The following LDLRAD3 variants were observed in gnomAD, a reference collection of about 807,000 sequenced individuals.
LDLRAD3 encodes the protein low-density lipoprotein receptor class A domain-containing protein 3.
LDLRAD3 carries 20 observed loss-of-function variants against 29.4 expected under a neutral mutation model. That is an observed-to-expected ratio of 0.68 (90% CI 0.48 to 0.99). LDLRAD3 has a LOEUF of 0.99. LDLRAD3 is among the 50% of genes least tolerant of loss of function. LDLRAD3 has a pLI of 0.00. For synonymous variants in LDLRAD3, 157 were observed against 192.7 expected (o/e 0.81, Z 1.53); for missense variants, 420 against 454.3 (o/e 0.92, Z 0.69).
intron 1 of LDLRAD3, among the ~76,000 whole-genome samples, chr11:35,945,152 G>T (rs1474084370): frequency 6.6e-6 from 1 of 152,226 alleles, no homozygotes; most frequent in Non-Finnish European, 1.5e-5. Context: ...TGCCTGCCTG[G>T]TGTTTGTGCC....
In LDLRAD3 at chr11:36,126,543, C is replaced by G. The variant is rs570405265; in HGVS notation, c.454+28082C>G. 2.5e-4 allele frequency among the ~76,000 whole-genome samples: 38 copies of G among 152,218 alleles called. 1 individual carries two copies. In the South Asian group the frequency reaches 7.9e-3, roughly 32 times the overall value. ...GTGTGGTCAGGGTCGGGAGGCTGGT[C>G]CCCAGAAGAAGCCAGTTGTTGGCTG... On this transcript the variant is annotated intron_variant, in intron 4 of 5. Coordinates refer to ENST00000315571, the MANE Select transcript of LDLRAD3 (RefSeq NM_174902.4).
chr11:36,196,029 CAA>C (rs35180520), intron 4 of LDLRAD3, among the ~76,000 whole-genome samples: 15 of 138,512 alleles, frequency 1.1e-4, no homozygotes, highest in African/African-American at 1.3e-4. Context: ...CCCCAAAAGA[CAA>C]AAAAAAAAAA....
At chr11:36,045,115 T>G (rs1259626901) in intron 2 of LDLRAD3, among the ~76,000 whole-genome samples, 1 of 152,202 alleles carries the variant, frequency 6.6e-6, no homozygotes, top group African/African-American at 2.4e-5. Context: ...TTGTGGCCTA[T>G]CATGAGGACA....
intron 1 of LDLRAD3, among the ~76,000 whole-genome samples, chr11:35,956,644 T>G (rs1851204179): frequency 1.3e-5 from 2 of 152,248 alleles, no homozygotes; most frequent in Non-Finnish European, 2.9e-5. Context: ...CCATCACATC[T>G]TCGTCTGTTA....
chr11:36,071,589 CAT>C lies in LDLRAD3; in HGVS notation c.194-10061_194-10060del, dbSNP rs574559162. ...TTATTGACAAGAAAAGATGTCACAACATATTATGTAGCAAAAACAGGTTTCAG... is the reference window on the plus strand; with the variant it reads ...TTATTGACAAGAAAAGATGTCACAACATTATGTAGCAAAAACAGGTTTCAG... On this transcript the variant is annotated intron_variant, in intron 2 of 5. Coordinates refer to ENST00000315571, the MANE Select transcript of LDLRAD3 (RefSeq NM_174902.4). Among the ~76,000 whole-genome samples, 258 of 152,302 alleles carry C rather than the reference CAT, an allele frequency of 1.7e-3. 2 individuals are homozygous for C. Among genetic ancestry groups the C allele is most frequent in the African/African-American group, 5.9e-3 (245 of 41,572 alleles).
rs745754811 is a variant in LDLRAD3 at position 36,229,164 on chromosome 11, G to A, written c.805G>A (p.Ala269Thr). ...YSEALLDQRP[A>T]WYDLPPPPYS... Reference sequence around the variant, plus strand: ...CCCCTGCTGTCCCCATCACAGGCCTGCGTGGTATGACCTTCCTCCACCGCC... The same window carrying A: ...CCCCTGCTGTCCCCATCACAGGCCTACGTGGTATGACCTTCCTCCACCGCC... Residue 269 changes from alanine (A) to threonine (T), a missense_variant, in exon 6 of 6, where the codon GCG becomes ACG. Ala to Thr is a moderately conservative substitution (Grantham distance 58). Around this residue, in one of 3 missense-constraint regions of LDLRAD3, gnomAD observed 140 missense variants for 139.9 expected, o/e 1.00. Transcript: ENST00000315571. The A allele has an allele frequency of 1.2e-6, 2 of 1,613,392 alleles. No individual in the cohort carries two copies. The highest frequency in any genetic ancestry group is 1.7e-6 in the Non-Finnish European group (2 of 1,179,440).
intron 4 of LDLRAD3, chr11:36,196,129 CT>C (rs2133370192): frequency 6.6e-6 from 1 of 152,028 alleles, no homozygotes; most frequent in East Asian, 1.9e-4. Flanking sequence ...GGGTCTGTTT[CT>C]GAGCTCTGGC....
At chr11:35,959,382 G>A (rs536953945) in intron 1 of LDLRAD3, among the ~76,000 whole-genome samples, 2 of 152,088 alleles carry the variant, frequency 1.3e-5, no homozygotes, top group Non-Finnish European at 2.9e-5. Flanking sequence ...GTATTTGTTC[G>A]TGTAGAACTT....
intron 4 of LDLRAD3, among the ~76,000 whole-genome samples, chr11:36,170,860 G>A (rs1854589264): frequency 6.6e-6 from 1 of 151,642 alleles, no homozygotes; most frequent in African/African-American, 2.4e-5. Context: ...GGAGTGCAGG[G>A]GCGCGATCTT....
intron 2 of LDLRAD3, among the ~76,000 whole-genome samples, chr11:36,074,563 G>C (rs1852963294): frequency 6.6e-6 from 1 of 152,164 alleles, no homozygotes; most frequent in Non-Finnish European, 1.5e-5. Flanking sequence ...TGGCCTTCAT[G>C]AGAAAGCCTG....
intron 4 of LDLRAD3, among the ~76,000 whole-genome samples, chr11:36,180,317 T>C (rs1854740554): frequency 6.6e-6 from 1 of 152,044 alleles, no homozygotes. Context: ...TAGAACACCT[T>C]TCTGTTGGGC....
intron 1 of LDLRAD3, among the ~76,000 whole-genome samples, chr11:36,006,464 T>C (rs1216038403): frequency 6.6e-6 from 1 of 152,158 alleles, no homozygotes; most frequent in Non-Finnish European, 1.5e-5. Context: ...ATATACGAAG[T>C]AGGAGTTACT....
At chr11:36,057,834 C>T (rs1437044268) in intron 2 of LDLRAD3, among the ~76,000 whole-genome samples, 2 of 152,212 alleles carry the variant, frequency 1.3e-5, no homozygotes, top group Non-Finnish European at 2.9e-5. Context: ...ATTTGCGTCA[C>T]CATTTCCTTG....
chr11:36,077,107 G>A (rs1853024975), intron 2 of LDLRAD3, among the ~76,000 whole-genome samples: 1 of 152,150 alleles, frequency 6.6e-6, no homozygotes, highest in Admixed American at 6.5e-5. Flanking sequence ...ACAAGTATAT[G>A]TTAAGTCAGA....
intron 1 of LDLRAD3, among the ~76,000 whole-genome samples, chr11:35,974,885 A>G (rs568814304): frequency 6.6e-6 from 1 of 152,212 alleles, no homozygotes; most frequent in Admixed American, 6.5e-5. Context: ...TTAAGAGTCC[A>G]CCTGCCATCC....
In LDLRAD3 at chr11:36,190,734, G is replaced by A. The variant is rs182136035; in HGVS notation, c.455-36351G>A. ...CAGAAAAGAGCCCACCTAATGCTCA[G>A]ATTGGTGAATGACAGTAAACCACAC... On this transcript the variant is annotated intron_variant, in intron 4 of 5. Coordinates refer to ENST00000315571, the MANE Select transcript of LDLRAD3 (RefSeq NM_174902.4). Among the ~76,000 whole-genome samples the A allele has an allele frequency of 9.8e-5, 15 of 152,306 alleles. No homozygotes were observed. The East Asian group carries it at 2.7e-3, about 27-fold the overall frequency.
At chr11:36,030,043 C>G (rs1852216324) in intron 1 of LDLRAD3, among the ~76,000 whole-genome samples, 1 of 152,208 alleles carries the variant, frequency 6.6e-6, no homozygotes, top group Non-Finnish European at 1.5e-5. Context: ...TTTCCCTGGG[C>G]TGTCTTCCTT....
intron 4 of LDLRAD3, among the ~76,000 whole-genome samples, chr11:36,109,165 C>G (rs965960621): frequency 1.3e-5 from 2 of 152,188 alleles, no homozygotes; most frequent in Admixed American, 1.3e-4. Context: ...GCTAGGGCTT[C>G]TTTGAGAAGA....
rs769708700 is a variant in LDLRAD3 at position 36,229,243 on chromosome 11, C to G, written c.884C>G (p.Ser295Cys). The G allele has an allele frequency of 3.5e-5, 57 of 1,614,014 alleles. No individual in the cohort carries two copies. The highest frequency in any genetic ancestry group is 4.7e-5 in the Non-Finnish European group (56 of 1,180,014). The change falls in exon 6 of 6, where the codon TCC (serine) becomes TGC (cysteine). Residue 295 changes from serine to cysteine, a missense_variant. By Grantham distance (112) the Ser-to-Cys change is moderately radical (BLOSUM62 -1). This residue lies in a region of LDLRAD3 where 140 missense variants were observed against 139.9 expected (regional missense o/e 1.00). Transcript: ENST00000315571. ...LNQADLPPYR[S>C]RSGSANSASS... is the part of the protein sequence containing the mutation. ...CAAGCCGACCTGCCCCCCTACCGCT[C>G]CCGGTCCGGGAGTGCCAACAGTGCC...
Sources: allele counts gnomAD v4.1 joint callset (sites outside exome capture counted in the v4.1 genomes callset), GRCh38; gene constraint gnomAD v4.1.1; regional missense constraint gnomAD v4.1.1; transcripts MANE v1.5; gene names NCBI Gene and HGNC (gene_info 2026-07-23, HGNC 2026-07-21).